Variants in PARD3 observed in about 807,000 individuals in gnomAD.
PARD3 encodes partitioning defective 3 homolog.
Under a neutral mutation model 155.4 loss-of-function variants are expected in PARD3, and 75 were observed. The observed-to-expected ratio is 0.48, with a 90% CI of 0.40 to 0.58. PARD3 has a LOEUF of 0.58. Ranked by LOEUF, PARD3 falls within the 20% of genes least tolerant of loss-of-function variation. The pLI is 0.00. For missense variants in PARD3, 1,642 were observed against 1,721.7 expected, an observed-to-expected ratio of 0.95 and a Z score of 0.82; for synonymous variants, 576 against 610.5, an observed-to-expected ratio of 0.94 and a Z score of 0.83.
intron 2 of PARD3, chr10:34,675,674 G>C (rs985217023): frequency 5.1e-6 from 1 of 195,242 alleles, no homozygotes; most frequent in Non-Finnish European, 1.1e-5. Context: ...TGACATCCTT[G>C]GCCTGAGATT....
At chr10:34,243,280 G>T (rs1283361200) in intron 22 of PARD3, among the ~76,000 whole-genome samples, 2 of 151,954 alleles carry the variant, frequency 1.3e-5, no homozygotes, top group Non-Finnish European at 1.5e-5. Flanking sequence ...CAAAACAAAG[G>T]ACCTGGAAAA....
intron 2 of PARD3, among the ~76,000 whole-genome samples, chr10:34,661,979 T>A (rs1256333591): frequency 6.6e-6 from 1 of 152,226 alleles, no homozygotes; most frequent in African/African-American, 2.4e-5. Context: ...AGATCCTGCA[T>A]GTAAGCACCC....
intron 2 of PARD3, among the ~76,000 whole-genome samples, chr10:34,561,765 A>T (rs2085497029): frequency 6.6e-6 from 1 of 150,996 alleles, no homozygotes; most frequent in African/African-American, 2.4e-5. Flanking sequence ...TGATCCGCCC[A>T]CCTCGGCCTC....
intron 22 of PARD3, among the ~76,000 whole-genome samples, chr10:34,203,353 A>G (rs1247855850): frequency 6.6e-6 from 1 of 152,204 alleles, no homozygotes; most frequent in Admixed American, 6.5e-5. Flanking sequence ...TGAGGTTAGG[A>G]AAGCTCCCAC....
At position 34,351,999 on chromosome 10, in the gene PARD3, C is replaced by G. The variant is rs144478791; in HGVS notation, c.2068-3884G>C. On this transcript the variant is annotated intron_variant, in intron 14 of 24. Transcript: ENST00000374788. The stretch of plus-strand genomic sequence containing the variant: ...GAGGGTTAAGCCTAGAGAAAAAATT[C>G]ATTTTAAAGAAGTCCTTGATGACTA... Among the ~76,000 whole-genome samples, 87 of 152,278 alleles carry G rather than the reference C, an allele frequency of 5.7e-4. No individual in the cohort carries two copies. The East Asian group carries it at 0.016, about 28-fold the overall frequency.
chr10:34,396,337 C>CA (rs908942082), intron 7 of PARD3, among the ~76,000 whole-genome samples: 6 of 151,260 alleles, frequency 4.0e-5, no homozygotes, highest in African/African-American at 1.2e-4. Flanking sequence ...GACTCCATCT[C>CA]AAAAAAAACC....
rs202204258 is a variant in PARD3 at position 34,111,566 on chromosome 10, G to A, written c.3669-4C>T. On this transcript the variant is annotated splice_region_variant and splice_polypyrimidine_tract_variant and intron_variant, in intron 24 of 24. Transcript: ENST00000374788. Reference sequence around the variant, plus strand: ...GCTGGCATTTTTCCTGCTTTGCCTAGAAAGCAAAACCCAAAGGTTAGTGTG... The same window carrying A: ...GCTGGCATTTTTCCTGCTTTGCCTAAAAAGCAAAACCCAAAGGTTAGTGTG... 6.3e-7 allele frequency: 1 copy of A among 1,590,534 alleles called. No homozygotes were observed. The highest frequency in any genetic ancestry group is 2.3e-5 in the East Asian group (1 of 44,392).
At chr10:34,544,156 T>A (rs967297038) in intron 2 of PARD3, among the ~76,000 whole-genome samples, 1 of 152,232 alleles carries the variant, frequency 6.6e-6, no homozygotes, top group Non-Finnish European at 1.5e-5. Context: ...TTTTGAATTC[T>A]GCATCTATTA....
intron 20 of PARD3, among the ~76,000 whole-genome samples, chr10:34,291,850 C>T (rs1956690213): frequency 6.6e-6 from 1 of 152,214 alleles, no homozygotes; most frequent in Admixed American, 6.5e-5. Flanking sequence ...GATTCGAGAC[C>T]AGCTTGGGCA....
chr10:34,411,151 G>C (rs115158823), intron 5 of PARD3, among the ~76,000 whole-genome samples: 1 of 152,186 alleles, frequency 6.6e-6, no homozygotes, highest in Non-Finnish European at 1.5e-5. Flanking sequence ...AACAGACAGA[G>C]ATGGGGGAGG....
chr10:34,129,700 C>CTTTTTTTTTTTTT (rs1209547388), intron 23 of PARD3, among the ~76,000 whole-genome samples: 1 of 82,986 alleles, frequency 1.2e-5, no homozygotes, highest in Non-Finnish European at 2.5e-5. Flanking sequence ...TGTCAAGCCT[C>CTTTTTTTTTTTTT]TTTTTTTTTT....
chr10:34,800,103 C>T (rs2134322795), intron 1 of PARD3, among the ~76,000 whole-genome samples: 1 of 151,592 alleles, frequency 6.6e-6, no homozygotes, highest in African/African-American at 2.4e-5. Flanking sequence ...GCACTCCAGT[C>T]TGGGTGACAG....
intron 1 of PARD3, among the ~76,000 whole-genome samples, chr10:34,741,180 T>TTTTTTTG (rs2095007280): frequency 7.5e-6 from 1 of 133,912 alleles, no homozygotes; most frequent in Non-Finnish European, 1.7e-5. Context: ...CCAAATTTTT[T>TTTTTTTG]TTTTTTTTTT....
intron 14 of PARD3, among the ~76,000 whole-genome samples, chr10:34,350,699 C>T (rs1035537604): frequency 6.1e-4 from 93 of 152,052 alleles, no homozygotes; most frequent in African/African-American, 2.0e-3. Context: ...AGCACAACTG[C>T]GATTTTCATT....
chr10:34,451,224 T>C (rs950454269), intron 4 of PARD3, among the ~76,000 whole-genome samples: 8 of 152,228 alleles, frequency 5.3e-5, no homozygotes, highest in African/African-American at 1.9e-4. Flanking sequence ...CTCATTTCAA[T>C]GTTCTGAAAA....
At chr10:34,683,154 A>C (rs762637260) in intron 2 of PARD3, among the ~76,000 whole-genome samples, 1 of 152,176 alleles carries the variant, frequency 6.6e-6, no homozygotes, top group Non-Finnish European at 1.5e-5. Context: ...GGTGAACACC[A>C]CGTATTCTCA....
Position 34,215,349 on chromosome 10 carries a change from T to C in PARD3, c.3419+54308A>G, listed in dbSNP as rs558015685. Among the ~76,000 whole-genome samples, 7 of 152,316 alleles carry C rather than the reference T, an allele frequency of 4.6e-5. No individual in the cohort carries two copies. In the East Asian group the frequency reaches 5.8e-4, roughly 13 times the overall value. On this transcript the variant is annotated intron_variant, in intron 22 of 24. Transcript: ENST00000374788. The stretch of plus-strand genomic sequence containing the variant: ...TTTTATGTGAAACTCTGTTTCTACC[T>C]GTAATAAAGTAAGGGAGATATTTCT...
In PARD3 at chr10:34,411,575, G is replaced by C. The variant is rs534031618; in HGVS notation, c.715-9658C>G. On this transcript the variant is annotated intron_variant, in intron 5 of 24. Transcript: ENST00000374788. ...AAGTATCAGATCTTCTGGGGGACTA[G>C]AGCTGCAGGCATTTGGGCTGATCCT... Among the ~76,000 whole-genome samples the C allele has an allele frequency of 1.8e-4, 27 of 152,216 alleles. 2 individuals carry two copies. In the East Asian group the frequency reaches 1.9e-3, roughly 11 times the overall value.
At chr10:34,686,165 T>C (rs985930741) in intron 2 of PARD3, among the ~76,000 whole-genome samples, 3 of 152,178 alleles carry the variant, frequency 2.0e-5, no homozygotes, top group African/African-American at 7.2e-5. Context: ...ACAAATGTAG[T>C]ATGTGAAGCC....
Sources: gnomAD v4.1 joint callset for allele counts (sites outside exome capture counted in the v4.1 genomes callset) on GRCh38, gnomAD v4.1.1 for gene constraint, MANE v1.5 for transcripts, NCBI Gene and HGNC (gene_info 2026-07-23, HGNC 2026-07-21) for gene names.